The following AMD1 variants were observed in gnomAD, a reference collection of about 807,000 sequenced individuals.
AMD1 encodes adenosylmethionine decarboxylase 1.
AMD1 carries 11 observed loss-of-function variants against 40.2 expected under a neutral mutation model. The ratio of observed to expected loss-of-function variants is 0.27; its 90% CI spans 0.17 to 0.45. The LOEUF is 0.45. Ranked by LOEUF, AMD1 falls within the 20% of genes least tolerant of loss-of-function variation. AMD1 has a pLI of 1.00. For synonymous variants in AMD1, 121 were observed against 130.8 expected (o/e 0.93, Z 0.51); for missense variants, 257 against 410.2 (o/e 0.63, Z 3.23).
At chr6:110,831,627 C>T in the AMD1 span, among the ~76,000 whole-genome samples, 1 of 152,022 alleles carries the variant, frequency 6.6e-6, no homozygotes, top group Admixed American at 6.6e-5. Flanking sequence ...GGTTGGACCT[C>T]TTTGATTCTT....
intron 1 of AMD1, among the ~76,000 whole-genome samples, chr6:110,880,804 C>T (rs1257206505): frequency 6.6e-6 from 1 of 152,110 alleles, no homozygotes; most frequent in Non-Finnish European, 1.5e-5. Flanking sequence ...TCACGAGTAG[C>T]TGGGACTACA....
chr6:110,859,183 C>T, the AMD1 span: 131 of 904,904 alleles, frequency 1.4e-4, no homozygotes, highest in African/African-American at 2.1e-3. Context: ...ATCATCTCCC[C>T]GTCTGAGTTT....
chr6:110,881,205 A>G (rs1562335901), intron 1 of AMD1, among the ~76,000 whole-genome samples: 1 of 152,156 alleles, frequency 6.6e-6, no homozygotes, highest in African/African-American at 2.4e-5. Context: ...AAATTAGGGT[A>G]TCTCAACCTC....
the AMD1 span, among the ~76,000 whole-genome samples, chr6:110,855,583 C>G: frequency 6.6e-6 from 1 of 152,156 alleles, no homozygotes; most frequent in Admixed American, 6.5e-5. Flanking sequence ...ATGCAGGTGT[C>G]TCTTGTCTAG....
At chr6:110,821,736 A>C in the AMD1 span, among the ~76,000 whole-genome samples, 1 of 152,238 alleles carries the variant, frequency 6.6e-6, no homozygotes, top group Non-Finnish European at 1.5e-5. Context: ...CTTGTCTCAA[A>C]ATAAAATAAA....
intron 1 of AMD1, among the ~76,000 whole-genome samples, chr6:110,884,645 T>C (rs964346049): frequency 6.6e-6 from 1 of 152,174 alleles, no homozygotes; most frequent in Non-Finnish European, 1.5e-5. Context: ...TTGCCCAGGC[T>C]GGTCTTGAAC....
chr6:110,889,907 A>G (rs1005786637), intron 3 of AMD1: 11 of 172,554 alleles, frequency 6.4e-5, no homozygotes, highest in African/African-American at 2.6e-4. Flanking sequence ...TTTTGCTTAT[A>G]TGACTATTAA....
chr6:110,890,374 A>G lies in AMD1; in HGVS notation c.427+18A>G, dbSNP rs1422195346. ...TTTCCCAAGTAAGTTTAAATAAAATATAAACCTGTTGTCTTCTTAAAGATA... is the reference window on the plus strand; with the variant it reads ...TTTCCCAAGTAAGTTTAAATAAAATGTAAACCTGTTGTCTTCTTAAAGATA... On this transcript the variant is annotated intron_variant, in intron 4 of 8. Coordinates refer to ENST00000368885, the MANE Select transcript of AMD1 (RefSeq NM_001634.6). The G allele has an allele frequency of 2.6e-6, 4 of 1,519,698 alleles. No individual in the cohort carries two copies. The highest frequency in any genetic ancestry group is 2.0e-5 in the Admixed American group (1 of 49,918). The allele number at this position is 1,519,698 out of a possible 1,614,324, so 94.1% of individuals were successfully genotyped here. A position where few individuals can be genotyped will look rare whatever the true frequency, so the allele number is the denominator to read the frequency against.
chr6:110,888,730 C>T (rs1344342358), intron 2 of AMD1, 127 bp from the exon 3 acceptor site: 16 of 893,086 alleles, frequency 1.8e-5, no homozygotes, highest in Non-Finnish European at 1.8e-5. Context: ...TAATGTGTTA[C>T]TTGCTTCCTT....
At chr6:110,828,982 C>T in the AMD1 span, among the ~76,000 whole-genome samples, 2 of 152,178 alleles carry the variant, frequency 1.3e-5, no homozygotes. Context: ...CCACCCTGGC[C>T]AACATGGTGA....
At chr6:110,867,725 T>C in the AMD1 span, among the ~76,000 whole-genome samples, 1 of 152,126 alleles carries the variant, frequency 6.6e-6, no homozygotes, top group Non-Finnish European at 1.5e-5. Flanking sequence ...TAAAAAAATT[T>C]CAAAAGAAAA....
the AMD1 span, among the ~76,000 whole-genome samples, chr6:110,826,271 CAAAAAAAAAA>C: frequency 7.1e-4 from 42 of 59,362 alleles, no homozygotes; most frequent in African/African-American, 2.8e-3. Flanking sequence ...GACACCATCC[CAAAAAAAAAA>C]AAAAAAAAAA....
chr6:110,833,640 GT>G, the AMD1 span, among the ~76,000 whole-genome samples: 1 of 152,166 alleles, frequency 6.6e-6, no homozygotes, highest in Non-Finnish European at 1.5e-5. Flanking sequence ...AATTAAAGTT[GT>G]TTTTTAAAAC....
the AMD1 span, among the ~76,000 whole-genome samples, chr6:110,850,384 CT>C: frequency 6.6e-6 from 1 of 152,164 alleles, no homozygotes; most frequent in African/African-American, 2.4e-5. Context: ...TTGACCCTCC[CT>C]TGCCGGTGAA....
At chr6:110,882,758 G>C (rs1023981717) in intron 1 of AMD1, among the ~76,000 whole-genome samples, 1 of 152,034 alleles carries the variant, frequency 6.6e-6, no homozygotes, top group Non-Finnish European at 1.5e-5. Flanking sequence ...TCTGATTACC[G>C]GAGCATTACT....
At chr6:110,862,535 G>A in the AMD1 span, among the ~76,000 whole-genome samples, 1 of 147,138 alleles carries the variant, frequency 6.8e-6, no homozygotes, top group Non-Finnish European at 1.5e-5. Flanking sequence ...GTTGAGATCT[G>A]AGCTCACTGC....
the AMD1 span, among the ~76,000 whole-genome samples, chr6:110,834,097 A>G: frequency 2.0e-5 from 3 of 152,078 alleles, no homozygotes; most frequent in Admixed American, 2.0e-4. Context: ...TGCCCAGCCA[A>G]TTTGTCTGGT....
chr6:110,838,181 G>A, the AMD1 span, among the ~76,000 whole-genome samples: 1 of 151,762 alleles, frequency 6.6e-6, no homozygotes, highest in Non-Finnish European at 1.5e-5. Flanking sequence ...ATGAGGTCAG[G>A]AGTTCGAGAC....
intron 2 of AMD1, 159 bp from the exon 3 acceptor site, chr6:110,888,698 G>A (rs1785842131): frequency 1.7e-6 from 1 of 601,598 alleles, no homozygotes; most frequent in African/African-American, 1.9e-5. Context: ...GGGATGTTTT[G>A]TATACTAGAA....
Sources: allele counts gnomAD v4.1 joint callset (sites outside exome capture counted in the v4.1 genomes callset), GRCh38; gene constraint gnomAD v4.1.1; transcripts MANE v1.5; gene names NCBI Gene and HGNC (gene_info 2026-07-23, HGNC 2026-07-21).